Variants in ADGRE3 observed in about 807,000 individuals in gnomAD.
ADGRE3 encodes adhesion G protein-coupled receptor E3.
ADGRE3 carries 88 observed loss-of-function variants against 80.1 expected under a neutral mutation model. That is an observed-to-expected ratio of 1.10 (90% confidence interval 0.93 to 1.31). The LOEUF (loss-of-function observed/expected upper bound fraction) is 1.31. ADGRE3 is among the 40% of genes most tolerant of loss of function. The pLI, the probability that ADGRE3 is intolerant of heterozygous loss-of-function variation, is 0.00. For synonymous variants in ADGRE3, 281 were observed against 294.8 expected (o/e 0.95, Z 0.48); for missense variants, 715 against 776.5 (o/e 0.92, Z 0.94).
chr19:14,631,318 C>G (rs1211465973), intron 13 of ADGRE3, among the ~76,000 whole-genome samples: 1 of 151,496 alleles, frequency 6.6e-6, no homozygotes, highest in Non-Finnish European at 1.5e-5. Flanking sequence ...ATGCATGAAT[C>G]AAAATATCAC....
chr19:14,619,040 G>T, downstream of ADGRE3: 1 of 232,904 alleles, frequency 4.3e-6, no homozygotes. Context: ...GTTTGAGGCT[G>T]CAGTGAGCTA....
At chr19:14,665,938 A>ATG (rs1555763984) in intron 2 of ADGRE3, among the ~76,000 whole-genome samples, 5 of 76,646 alleles carry the variant, frequency 6.5e-5, no homozygotes, top group East Asian at 4.3e-4. Context: ...ACATATGTGT[A>ATG]TATATATATA....
At position 14,648,126 on chromosome 19, in the gene ADGRE3, C is replaced by A. The variant is rs572752787; in HGVS notation, c.698-761G>T. ...AAAAAGATGTTTTCCTACAAACAAC[C>A]CACTTTTTGCATTTTCTGGAAACTT... On this transcript the variant is annotated intron_variant, in intron 7 of 15. Coordinates refer to ENST00000253673, the MANE Select transcript of ADGRE3 (RefSeq NM_032571.5). Among the ~76,000 whole-genome samples, 4 of 149,980 alleles carry A rather than the reference C, an allele frequency of 2.7e-5. No individual in the cohort carries two copies. In the South Asian group the frequency reaches 8.5e-4, roughly 32 times the overall value.
chr19:14,650,629 A>ATC (rs376333448), intron 7 of ADGRE3, among the ~76,000 whole-genome samples: 105 of 24,854 alleles, frequency 4.2e-3, no homozygotes, highest in East Asian at 4.9e-3. Flanking sequence ...CTCTGTCTCC[A>ATC]TCTCTCTCTC....
At chr19:14,646,546 C>CTT (rs199907123) in intron 8 of ADGRE3, among the ~76,000 whole-genome samples, 4 of 120,692 alleles carry the variant, frequency 3.3e-5, no homozygotes, top group Admixed American at 8.3e-5. Context: ...CTAGCTAATT[C>CTT]TTTTTTTTTT....
At chr19:14,607,024 G>C in the ADGRE3 span, 3 of 1,320,560 alleles carry the variant, frequency 2.3e-6, no homozygotes, top group Non-Finnish European at 1.9e-6. Context: ...GGCTCTCCAC[G>C]GGTGTACTGG....
At chr19:14,646,199 C>T (rs1291286840) in intron 8 of ADGRE3, among the ~76,000 whole-genome samples, 8 of 151,656 alleles carry the variant, frequency 5.3e-5, no homozygotes, top group African/African-American at 1.7e-4. Context: ...CTTGGCTCAC[C>T]GCAACCTCCG....
At position 14,623,303 on chromosome 19, in the gene ADGRE3, A is replaced by AC. The variant is rs1970641692; in HGVS notation, c.1920+2188_1920+2189insG. On this transcript the variant is annotated intron_variant, in intron 15 of 15. Coordinates refer to ENST00000253673, the MANE Select transcript of ADGRE3 (RefSeq NM_032571.5). Reference sequence around the variant, plus strand: ...AAATACTTAAAAAAAAAAAAATAAAAAAAAAAAAAAATAAAACTCCTGGAC... The same window carrying AC: ...AAATACTTAAAAAAAAAAAAATAAAACAAAAAAAAAAATAAAACTCCTGGAC... 7.3e-5 allele frequency among the ~76,000 whole-genome samples: 2 copies of AC among 27,416 alleles called. 1 individual carries two copies. The highest frequency in any genetic ancestry group is 1.7e-4 in the Non-Finnish European group (2 of 11,544). The allele number at this position is 27,416 out of a possible 152,430, so 18.0% of individuals were successfully genotyped here.
At chr19:14,612,927 T>C in the ADGRE3 span, among the ~76,000 whole-genome samples, 3 of 120,044 alleles carry the variant, frequency 2.5e-5, no homozygotes, top group African/African-American at 9.6e-5. Context: ...ACCAATCAAT[T>C]TATTTTTTTT....
downstream of ADGRE3, among the ~76,000 whole-genome samples, chr19:14,614,421 A>G (rs777739458): frequency 6.6e-6 from 1 of 152,204 alleles, no homozygotes; most frequent in Non-Finnish European, 1.5e-5. Context: ...AATATGAAAG[A>G]GGTCACTTTT....
the ADGRE3 span, among the ~76,000 whole-genome samples, chr19:14,611,626 T>C: frequency 6.6e-6 from 1 of 152,088 alleles, no homozygotes. Context: ...AACCTGGTCA[T>C]ATCCACACAG....
At chr19:14,658,075 G>T (rs1388908008) in intron 5 of ADGRE3, among the ~76,000 whole-genome samples, 1 of 152,032 alleles carries the variant, frequency 6.6e-6, no homozygotes, top group Non-Finnish European at 1.5e-5. Context: ...CGGCAATACT[G>T]TAGTTTTGAT....
chr19:14,620,568 A>ATATATATTTTTTT (rs1435435269), intron 15 of ADGRE3, among the ~76,000 whole-genome samples: 3 of 11,044 alleles, frequency 2.7e-4, no homozygotes, highest in East Asian at 2.9e-3. Flanking sequence ...ATATATATAT[A>ATATATATTTTTTT]TTTTTTTTTT....
downstream of ADGRE3, among the ~76,000 whole-genome samples, chr19:14,614,235 A>C (rs1161134380): frequency 6.6e-6 from 1 of 152,136 alleles, no homozygotes; most frequent in Non-Finnish European, 1.5e-5. Context: ...AAGCAACTTT[A>C]TCTGGGGTCA....
chr19:14,601,229 A>G, the ADGRE3 span, among the ~76,000 whole-genome samples: 35 of 152,178 alleles, frequency 2.3e-4, no homozygotes, highest in South Asian at 6.8e-3. Context: ...TGCTGCGGTA[A>G]CAGACAGTCT....
intron 1 of ADGRE3, among the ~76,000 whole-genome samples, chr19:14,674,504 AAAACAAAACAAAC>A (rs1257250626): frequency 3.3e-5 from 5 of 152,094 alleles, no homozygotes; most frequent in Admixed American, 6.6e-5. Flanking sequence ...CTCAAAAAAC[AAAACAAAACAAAC>A]AAACAAAACA....
intron 1 of ADGRE3, among the ~76,000 whole-genome samples, chr19:14,674,466 C>T (rs774466417): frequency 3.3e-5 from 5 of 152,058 alleles, no homozygotes; most frequent in Non-Finnish European, 5.9e-5. Context: ...CACTGCACTC[C>T]AACCTGGGTG....
At chr19:14,620,086 G>A (rs1053021478) in intron 15 of ADGRE3, among the ~76,000 whole-genome samples, 17 of 152,040 alleles carry the variant, frequency 1.1e-4, no homozygotes, top group Admixed American at 6.6e-5. Context: ...ATTGCCTGGC[G>A]ACCTATCTGA....
the ADGRE3 span, among the ~76,000 whole-genome samples, chr19:14,612,366 C>T: frequency 3.4e-4 from 51 of 152,098 alleles, no homozygotes; most frequent in Non-Finnish European, 3.7e-4. Context: ...GACAGGGTCT[C>T]GCTCTGTCAC....
Sources: gnomAD v4.1 joint callset for allele counts (sites outside exome capture counted in the v4.1 genomes callset) on GRCh38, gnomAD v4.1.1 for gene constraint, MANE v1.5 for transcripts, NCBI Gene and HGNC (gene_info 2026-07-23, HGNC 2026-07-21) for gene names.